The following STK32C variants were observed in gnomAD, a reference collection of about 807,000 sequenced individuals.
The protein encoded by STK32C is serine/threonine kinase 32C.
Under a neutral mutation model 56.5 loss-of-function variants are expected in STK32C, and 31 were observed. That is an observed-to-expected ratio of 0.55 (90% CI 0.41 to 0.74). The LOEUF is 0.74. Ranked by LOEUF, STK32C falls within the 30% of genes least tolerant of loss-of-function variation. The pLI, the probability that STK32C is intolerant of heterozygous loss-of-function variation, is 0.00. For synonymous variants in STK32C, 309 were observed against 289.4 expected, an observed-to-expected ratio of 1.07 and a Z score of -0.69; for missense variants, 544 against 676.9, an observed-to-expected ratio of 0.80 and a Z score of 2.18.
At chr10:132,239,500 C>A (rs1415893092) in intron 2 of STK32C, among the ~76,000 whole-genome samples, 1 of 152,256 alleles carries the variant, frequency 6.6e-6, no homozygotes, top group Non-Finnish European at 1.5e-5. Context: ...ACACTCCCTG[C>A]CAGATGGGGG....
rs1247950152 is a variant in STK32C, at chr10:132,225,581, T to G, written c.718A>C (p.Ile240Leu). Reference protein sequence around the residue: ...AHLTDFNIATIIKDGERATAL... With the variant: ...AHLTDFNIATLIKDGERATAL... ...GTCGCCCGCTCCCCGTCCTTGATGA[T>G]GGTGGCAATGTTGAAGTCGGTCAGG... Residue 240 changes from isoleucine to leucine, a missense_variant, in exon 6 of 12, where the codon ATC becomes CTC. Coordinates refer to ENST00000298630, the MANE Select transcript of STK32C (RefSeq NM_173575.4). The G allele has an allele frequency of 1.2e-6, 2 of 1,613,796 alleles. No individual in the cohort carries two copies. Among genetic ancestry groups the G allele is most frequent in the Non-Finnish European group, 8.5e-7 (1 of 1,179,880 alleles).
chr10:132,208,362 C>T (rs75612245), intron 11 of STK32C, among the ~76,000 whole-genome samples: 1,585 of 152,314 alleles, frequency 0.01, 28 homozygotes, highest in African/African-American at 0.036. Flanking sequence ...TGGCGAGGCT[C>T]GGCGTGTTTC....
intron 2 of STK32C, among the ~76,000 whole-genome samples, chr10:132,232,116 C>T (rs1430688103): frequency 2.0e-5 from 3 of 152,366 alleles, no homozygotes; most frequent in Middle Eastern, 3.4e-3. Context: ...GCTCACGCTG[C>T]GCCCTCACCG....
intron 2 of STK32C, among the ~76,000 whole-genome samples, chr10:132,233,194 G>A (rs985131450): frequency 1.3e-5 from 2 of 152,182 alleles, no homozygotes; most frequent in African/African-American, 2.4e-5. Flanking sequence ...TGGAGAAGGT[G>A]TCTGCAGCGG....
chr10:132,234,016 C>T (rs937902297), intron 2 of STK32C, among the ~76,000 whole-genome samples: 1 of 152,182 alleles, frequency 6.6e-6, no homozygotes, highest in South Asian at 2.1e-4. Flanking sequence ...TGCATGCAAG[C>T]GATCGTTCCG....
chr10:132,257,619 C>A (rs2064167850), intron 1 of STK32C, among the ~76,000 whole-genome samples: 1 of 151,932 alleles, frequency 6.6e-6, no homozygotes, highest in Admixed American at 6.6e-5. Flanking sequence ...TGGTGCCCAC[C>A]CCCTGCTGCC....
rs538038958 is a variant in STK32C at position 132,253,907 on chromosome 10, C to T, written c.263-7952G>A. 3.8e-3 allele frequency among the ~76,000 whole-genome samples: 582 copies of T among 152,368 alleles called. 7 individuals carry two copies. The highest frequency in any genetic ancestry group is 0.013 in the African/African-American group (551 of 41,584). Reference sequence around the variant, plus strand: ...CCCGCCCTGCAGGGACCCGCCTCTGCGTCTAGCACTCGGCTGAGTGGCTGG... The same window carrying T: ...CCCGCCCTGCAGGGACCCGCCTCTGTGTCTAGCACTCGGCTGAGTGGCTGG... On this transcript the variant is annotated intron_variant, in intron 1 of 11. Transcript: ENST00000298630.
intron 10 of STK32C, among the ~76,000 whole-genome samples, chr10:132,217,631 T>C (rs2062512822): frequency 6.6e-6 from 1 of 152,120 alleles, no homozygotes; most frequent in African/African-American, 2.4e-5. Flanking sequence ...CCACATGTTG[T>C]GGGAGGAACC....
intron 1 of STK32C, chr10:132,330,441 G>T (rs2066635076): frequency 1.4e-6 from 1 of 717,128 alleles, no homozygotes; most frequent in Non-Finnish European, 2.6e-6. Flanking sequence ...CGGGTGGCTG[G>T]CCTCCCCACG....
At chr10:132,265,045 C>T (rs1018855326) in intron 1 of STK32C, among the ~76,000 whole-genome samples, 1 of 149,192 alleles carries the variant, frequency 6.7e-6, no homozygotes, top group Admixed American at 6.6e-5. Flanking sequence ...GTAGAAGGTG[C>T]GAGCAGCAGA....
At chr10:132,314,766 T>G (rs918272097) in intron 1 of STK32C, among the ~76,000 whole-genome samples, 1 of 152,162 alleles carries the variant, frequency 6.6e-6, no homozygotes, top group African/African-American at 2.4e-5. Flanking sequence ...ACAAAGAATA[T>G]TATTAGAGAT....
intron 1 of STK32C, among the ~76,000 whole-genome samples, chr10:132,288,170 A>G (rs7897895): frequency 0.42 from 63,108 of 152,002 alleles, 14,449 homozygotes; most frequent in African/African-American, 0.61. Flanking sequence ...GAGAAGAGTG[A>G]GGGAGGGAAG....
rs771202790 is a variant in STK32C, at chr10:132,222,746, G to A, written c.1146C>T (p.Thr382=). The A allele has an allele frequency of 1.2e-6, 2 of 1,607,908 alleles. No individual in the cohort carries two copies. The highest frequency in any genetic ancestry group is 1.7e-6 in the Non-Finnish European group (2 of 1,177,504). The change falls in exon 10 of 12, where the codon ACC becomes ACT. Residue 382 remains threonine (T), a synonymous_variant. Transcript: ENST00000298630. Reference sequence around the variant, plus strand: ...CCAGGATCATCTCCTCCAGCTCAAAGGTGGGGTCGCAGTGCAGACGGCCTT... The same window carrying A: ...CCAGGATCATCTCCTCCAGCTCAAAAGTGGGGTCGCAGTGCAGACGGCCTT... ...PNKGRLHCDP[T]FELEEMILES... is the part of the protein sequence containing the mutation.
chr10:132,232,579 T>C (rs7920264), intron 2 of STK32C, among the ~76,000 whole-genome samples: 108,688 of 151,972 alleles, frequency 0.72, 38,967 homozygotes, highest in Admixed American at 0.75. Context: ...TCCAGGAAAC[T>C]GGTCCCTGCT....
At chr10:132,281,178 G>GACACAC (rs10556901) in intron 1 of STK32C, among the ~76,000 whole-genome samples, 6,736 of 149,366 alleles carry the variant, frequency 0.045, 169 homozygotes, top group Non-Finnish European at 0.053. Flanking sequence ...GATCCTCGTG[G>GACACAC]ACACACACAC....
At chr10:132,216,235 C>T (rs1433175341) in intron 10 of STK32C, among the ~76,000 whole-genome samples, 1 of 152,140 alleles carries the variant, frequency 6.6e-6, no homozygotes, top group African/African-American at 2.4e-5. Context: ...GAGGTTAAGG[C>T]AGGCAGATCA....
At chr10:132,290,722 C>G (rs750094804) in intron 1 of STK32C, among the ~76,000 whole-genome samples, 2 of 152,210 alleles carry the variant, frequency 1.3e-5, no homozygotes, top group Non-Finnish European at 2.9e-5. Context: ...CATTGCTGCC[C>G]TGAGGGCCCA....
intron 3 of STK32C, 131 bp from the exon 4 acceptor site, chr10:132,227,099 G>T: frequency 9.1e-7 from 1 of 1,097,718 alleles, no homozygotes; most frequent in Non-Finnish European, 1.3e-6. Context: ...TTCCCAGGAG[G>T]AGGGGCCTGC....
rs1206702579 is a variant in STK32C at position 132,246,017 on chromosome 10, T to C, written c.263-62A>G. The C allele has an allele frequency of 5.3e-6, 8 of 1,510,740 alleles. No homozygotes were observed. In the African/African-American group the frequency reaches 8.3e-5, roughly 16 times the overall value. The allele number at this position is 1,510,740 out of a possible 1,614,324, so 93.6% of individuals were successfully genotyped here. A position where few individuals can be genotyped will look rare whatever the true frequency, so the allele number is the denominator to read the frequency against. ...CAGCAAGGCCCCACCCCAGAGCAGC[T>C]CCCCCACCTCAACATCCCCCACCCC... On this transcript the variant is annotated intron_variant, in intron 1 of 11. Transcript: ENST00000298630.
Sources: gnomAD v4.1 joint callset for allele counts (sites outside exome capture counted in the v4.1 genomes callset) on GRCh38, gnomAD v4.1.1 for gene constraint, MANE v1.5 for transcripts, NCBI Gene and HGNC (gene_info 2026-07-23, HGNC 2026-07-21) for gene names.